The following PLGRKT variants were observed in gnomAD, a reference collection of about 807,000 sequenced individuals.
PLGRKT encodes plasminogen receptor (KT).
A neutral mutation model predicts 18.5 loss-of-function variants in PLGRKT; 22 were observed. The observed-to-expected ratio is 1.19, with a 90% CI of 0.85 to 1.70. The LOEUF (loss-of-function observed/expected upper bound fraction) is 1.70, where lower values mean the gene tolerates loss of function less well. Ranked by LOEUF, PLGRKT falls within the 40% of genes most tolerant of loss-of-function variation. PLGRKT has a pLI of 0.00. For missense variants in PLGRKT, 235 were observed against 174.4 expected (o/e 1.35, Z -1.96); for synonymous variants, 72 against 52.8 (o/e 1.36, Z -1.58).
At chr9:5,384,387 T>C (rs1442388415) in intron 3 of PLGRKT, among the ~76,000 whole-genome samples, 1 of 152,164 alleles carries the variant, frequency 6.6e-6, no homozygotes, top group Non-Finnish European at 1.5e-5. Flanking sequence ...TAATTCACAG[T>C]TTTTTTAGAG....
intron 3 of PLGRKT, among the ~76,000 whole-genome samples, chr9:5,415,331 G>C (rs1039617839): frequency 6.6e-6 from 1 of 152,032 alleles, no homozygotes; most frequent in African/African-American, 2.4e-5. Context: ...TAAATAATTG[G>C]ATAAATAAAC....
chr9:5,403,346 C>A (rs905772435), intron 3 of PLGRKT, among the ~76,000 whole-genome samples: 1 of 149,524 alleles, frequency 6.7e-6, no homozygotes, highest in African/African-American at 2.5e-5. Flanking sequence ...ACCTCAGCCT[C>A]CTGAGTAGCT....
At chr9:5,422,299 A>G (rs182799070) in intron 3 of PLGRKT, among the ~76,000 whole-genome samples, 29 of 152,320 alleles carry the variant, frequency 1.9e-4, no homozygotes, top group African/African-American at 6.7e-4. Context: ...GATGTGATGT[A>G]TTAGGAATTA....
chr9:5,360,886 G>A (rs1046810144), intron 5 of PLGRKT, among the ~76,000 whole-genome samples, 192 bp downstream of exon 5: 1 of 152,168 alleles, frequency 6.6e-6, no homozygotes, highest in Non-Finnish European at 1.5e-5. Context: ...AAAATGTAGC[G>A]ATTGGTTCTT....
chr9:5,433,505 C>T (rs1316501568), intron 2 of PLGRKT, among the ~76,000 whole-genome samples: 6 of 146,402 alleles, frequency 4.1e-5, no homozygotes, highest in Admixed American at 6.9e-5. Flanking sequence ...CACCCATCGT[C>T]TGGGATGTGA....
In PLGRKT at chr9:5,361,112, G is replaced by A; in HGVS notation, c.288C>T (p.Asp96=). 6.2e-7 allele frequency: 1 copy of A among 1,604,908 alleles called. No homozygotes were observed. Among genetic ancestry groups the A allele is most frequent in the Non-Finnish European group, 8.5e-7 (1 of 1,172,030 alleles). Residue 96 remains aspartate (D), a synonymous_variant, in exon 5 of 6, where the codon GAC becomes GAT. Transcript: ENST00000223864. ...TTTCTAAAAGGGTTCCATAGCCCAA[G>A]TCATACTGGTAGGTGAGGATAAAGC... The part of the protein sequence containing the change: ...PLSFILTYQY[D]LGYGTLLERM...
intron 3 of PLGRKT, among the ~76,000 whole-genome samples, chr9:5,421,232 C>T (rs1021503383): frequency 3.3e-5 from 5 of 152,206 alleles, no homozygotes; most frequent in Non-Finnish European, 5.9e-5. Context: ...CTCAGTGTCT[C>T]TGCATTCACT....
At position 5,358,072 on chromosome 9, in the gene PLGRKT, G is replaced by T. The variant is rs1284586223; in HGVS notation, c.*167C>A. 1 of 499,074 alleles carries T rather than the reference G, an allele frequency of 2.0e-6. No individual in the cohort carries two copies. The highest frequency in any genetic ancestry group is 3.5e-6 in the Non-Finnish European group (1 of 288,468). The allele number at this position is 499,074 out of a possible 1,614,324, so 30.9% of individuals were successfully genotyped here. On this transcript the variant is annotated 3_prime_UTR_variant, in exon 6 of 6. Transcript: ENST00000223864. ...TTATTTAGAGCACCTCCATGATTTT[G>T]TGTTGAATGTTATAAATTTTATTTT...
In PLGRKT at chr9:5,361,793, A is replaced by G. The variant is rs1201371207; in HGVS notation, c.177T>C (p.Thr59=). 2 of 1,613,098 alleles carry G rather than the reference A, an allele frequency of 1.2e-6. No homozygotes were observed. The highest frequency in any genetic ancestry group is 2.7e-5 in the African/African-American group (2 of 74,900). The stretch of plus-strand genomic sequence containing the variant: ...AAGAGATGGCTGCAAGGCCAAAAAA[A>G]GTTCCAAAATATTTGAGGAATTCCC... The part of the protein sequence containing the change: ...WSREFLKYFG[T]FFGLAAISLT... Residue 59 remains threonine (T), a synonymous_variant, in exon 4 of 6, where the codon ACT becomes ACC. Coordinates refer to ENST00000223864, the MANE Select transcript of PLGRKT (RefSeq NM_018465.4).
At chr9:5,422,828 G>C (rs1818603307) in intron 3 of PLGRKT, among the ~76,000 whole-genome samples, 1 of 151,962 alleles carries the variant, frequency 6.6e-6, no homozygotes, top group Admixed American at 6.6e-5. Flanking sequence ...CCAAAATATT[G>C]GTTTTAAAGT....
intron 3 of PLGRKT, among the ~76,000 whole-genome samples, chr9:5,379,334 T>C (rs905171606): frequency 2.6e-5 from 4 of 152,170 alleles, no homozygotes; most frequent in African/African-American, 4.8e-5. Flanking sequence ...ACTTTGAAAA[T>C]TGTCTTACCT....
At chr9:5,432,937 GC>G (rs1411455983) in intron 2 of PLGRKT, among the ~76,000 whole-genome samples, 1 of 152,040 alleles carries the variant, frequency 6.6e-6, no homozygotes, top group Non-Finnish European at 1.5e-5. Flanking sequence ...GAAGTGAGCA[GC>G]GTCTCTGCCT....
chr9:5,400,886 G>T (rs577216348), intron 3 of PLGRKT, among the ~76,000 whole-genome samples: 1 of 151,946 alleles, frequency 6.6e-6, no homozygotes, highest in Non-Finnish European at 1.5e-5. Flanking sequence ...ATTTTTTCCA[G>T]AAACATTCTG....
intron 3 of PLGRKT, among the ~76,000 whole-genome samples, chr9:5,395,022 C>T (rs1314804706): frequency 2.0e-5 from 3 of 148,996 alleles, no homozygotes; most frequent in African/African-American, 7.5e-5. Context: ...TTTTGTTTTA[C>T]ATTTTATTAG....
In PLGRKT at chr9:5,358,367, T is replaced by C. The variant is rs773431333; in HGVS notation, c.323-7A>G. 2.5e-6 allele frequency: 4 copies of C among 1,612,402 alleles called. No individual in the cohort carries two copies. In the South Asian group the frequency reaches 4.4e-5, roughly 18 times the overall value. On this transcript the variant is annotated splice_region_variant and splice_polypyrimidine_tract_variant and intron_variant, in intron 5 of 5. Coordinates refer to ENST00000223864, the MANE Select transcript of PLGRKT (RefSeq NM_018465.4). ...AGTATGTCCTCAGCTTCACCTTAAA[T>C]AAAGTACAGAAATACACAAGGTGAC...
chr9:5,366,053 T>C (rs1233995650), intron 3 of PLGRKT, among the ~76,000 whole-genome samples: 1 of 152,222 alleles, frequency 6.6e-6, no homozygotes, highest in Non-Finnish European at 1.5e-5. Context: ...ATGTTAATTA[T>C]CAATTAAAAT....
chr9:5,397,377 A>T (rs1818070302), intron 3 of PLGRKT, among the ~76,000 whole-genome samples: 1 of 151,872 alleles, frequency 6.6e-6, no homozygotes, highest in African/African-American at 2.4e-5. Flanking sequence ...TCATCATAGC[A>T]CTTAGCTCGA....
chr9:5,404,491 G>A (rs373998493), intron 3 of PLGRKT, among the ~76,000 whole-genome samples: 2 of 152,170 alleles, frequency 1.3e-5, no homozygotes, highest in African/African-American at 4.8e-5. Flanking sequence ...ATCAATAAAT[G>A]TGATTCATCG....
chr9:5,398,569 T>C (rs1818096669), intron 3 of PLGRKT, among the ~76,000 whole-genome samples: 3 of 151,798 alleles, frequency 2.0e-5, no homozygotes, highest in African/African-American at 7.3e-5. Context: ...AATTAGATGC[T>C]CTAAGTTTTC....
Sources: allele counts gnomAD v4.1 joint callset (sites outside exome capture counted in the v4.1 genomes callset), GRCh38; gene constraint gnomAD v4.1.1; transcripts MANE v1.5; gene names NCBI Gene and HGNC (gene_info 2026-07-23, HGNC 2026-07-21).